The following PTPRT variants were observed in gnomAD, a reference collection of about 807,000 sequenced individuals.
PTPRT encodes protein tyrosine phosphatase receptor type T, also known as receptor-type tyrosine-protein phosphatase T.
In PTPRT, 56 loss-of-function variants were observed where a neutral mutation model predicts 176.8. The observed-to-expected ratio is 0.32, with a 90% CI of 0.26 to 0.40. The LOEUF is 0.40. PTPRT is among the 10% of genes least tolerant of loss of function. PTPRT has a pLI of 1.00. For missense variants in PTPRT, 1,540 were observed against 1,908.2 expected, an observed-to-expected ratio of 0.81 and a Z score of 3.60; for synonymous variants, 783 against 739.0, an observed-to-expected ratio of 1.06 and a Z score of -0.96.
intron 9 of PTPRT, among the ~76,000 whole-genome samples, chr20:42,424,937 G>C (rs759897026): frequency 6.6e-6 from 1 of 151,074 alleles, no homozygotes; most frequent in Non-Finnish European, 1.5e-5. Context: ...AAATAGACAC[G>C]GCTGACAAAA....
At chr20:42,204,887 C>T (rs971900112) in intron 15 of PTPRT, among the ~76,000 whole-genome samples, 2 of 151,786 alleles carry the variant, frequency 1.3e-5, no homozygotes, top group East Asian at 1.9e-4. Flanking sequence ...TACAAAGTAA[C>T]GTTCTCTTCA....
intron 2 of PTPRT, among the ~76,000 whole-genome samples, chr20:42,801,041 T>C (rs1217995200): frequency 6.6e-6 from 1 of 152,156 alleles, no homozygotes; most frequent in East Asian, 1.9e-4. Flanking sequence ...AGCATCCATC[T>C]ATTTCTCAAA....
At chr20:42,220,041 A>ATATG (rs2055850579) in intron 15 of PTPRT, among the ~76,000 whole-genome samples, 1 of 151,536 alleles carries the variant, frequency 6.6e-6, no homozygotes, top group African/African-American at 2.4e-5. Flanking sequence ...AAAAAGTTAT[A>ATATG]TATATATATA....
At chr20:42,092,479 A>G (rs1016640082) in intron 27 of PTPRT, among the ~76,000 whole-genome samples, 36 of 152,212 alleles carry the variant, frequency 2.4e-4, no homozygotes, top group African/African-American at 8.4e-4. Flanking sequence ...TAAGACTTGG[A>G]GAAAGTAAAG....
At chr20:42,522,016 T>C (rs1472679941) in intron 7 of PTPRT, among the ~76,000 whole-genome samples, 1 of 151,920 alleles carries the variant, frequency 6.6e-6, no homozygotes, top group Non-Finnish European at 1.5e-5. Context: ...TGAAGTTATT[T>C]CAGAAAAAGA....
intron 1 of PTPRT, among the ~76,000 whole-genome samples, chr20:43,011,220 G>A: frequency 6.6e-6 from 1 of 152,254 alleles, no homozygotes; most frequent in African/African-American, 2.4e-5. Flanking sequence ...AGAATAAGAG[G>A]AGCCAGAGTC....
At chr20:42,579,447 TG>T (rs2073331181) in intron 7 of PTPRT, among the ~76,000 whole-genome samples, 1 of 152,174 alleles carries the variant, frequency 6.6e-6, no homozygotes, top group African/African-American at 2.4e-5. Context: ...CTGGGTCAAA[TG>T]GTATTTCCAG....
intron 1 of PTPRT, among the ~76,000 whole-genome samples, chr20:42,919,826 T>G (rs1201582384): frequency 6.6e-6 from 1 of 152,246 alleles, no homozygotes; most frequent in Non-Finnish European, 1.5e-5. Context: ...TGTAGTTCAG[T>G]GAATTTTAAA....
intron 15 of PTPRT, among the ~76,000 whole-genome samples, chr20:42,225,214 T>C (rs1181809819): frequency 6.6e-6 from 1 of 152,170 alleles, no homozygotes; most frequent in Non-Finnish European, 1.5e-5. Flanking sequence ...TTCTTCTACT[T>C]AACCTATATC....
At chr20:42,936,106 C>T (rs546049913) in intron 1 of PTPRT, among the ~76,000 whole-genome samples, 1 of 152,264 alleles carries the variant, frequency 6.6e-6, no homozygotes, top group Non-Finnish European at 1.5e-5. Flanking sequence ...CTTCATAAAA[C>T]TCATATTCTA....
intron 9 of PTPRT, among the ~76,000 whole-genome samples, chr20:42,406,276 A>C (rs1475954217): frequency 6.6e-6 from 1 of 152,062 alleles, no homozygotes; most frequent in Non-Finnish European, 1.5e-5. Context: ...CGTCCTTTGA[A>C]AAAACATGGT....
rs565759019 is a variant in PTPRT, at chr20:42,210,136, T to C, written c.2343-10748A>G. Among the ~76,000 whole-genome samples the C allele has an allele frequency of 1.6e-4, 24 of 152,332 alleles. 1 individual carries two copies. In the South Asian group the frequency reaches 4.4e-3, roughly 28 times the overall value. On this transcript the variant is annotated intron_variant, in intron 15 of 30. Coordinates refer to ENST00000373187, the MANE Select transcript of PTPRT (RefSeq NM_007050.6). Reference sequence around the variant, plus strand: ...AAACTCTCAATAAATTGGGTATTAATGGGACGTATTTCAAAATAATAAGAG... The same window carrying C: ...AAACTCTCAATAAATTGGGTATTAACGGGACGTATTTCAAAATAATAAGAG...
intron 6 of PTPRT, among the ~76,000 whole-genome samples, chr20:42,722,173 GA>G (rs2076314391): frequency 6.6e-6 from 1 of 152,110 alleles, no homozygotes; most frequent in Non-Finnish European, 1.5e-5. Context: ...GTCACCTGAT[GA>G]ACTTGTTAAA....
Position 42,725,644 on chromosome 20 carries a change from G to A in PTPRT, c.859+30818C>T, listed in dbSNP as rs73269835. 4.1e-3 allele frequency among the ~76,000 whole-genome samples: 631 copies of A among 152,118 alleles called. 7 individuals carry two copies. Among genetic ancestry groups the A allele is most frequent in the African/African-American group, 0.014 (587 of 41,528 alleles). On this transcript the variant is annotated intron_variant, in intron 6 of 30. Coordinates refer to ENST00000373187, the MANE Select transcript of PTPRT (RefSeq NM_007050.6). ...GCAGTAGCAAAGTTCCACAAACTTG[G>A]TGATTTAAAAAGTCAAGAAACAACA...
intron 7 of PTPRT, among the ~76,000 whole-genome samples, chr20:42,554,174 C>T (rs2145625039): frequency 6.6e-6 from 1 of 152,210 alleles, no homozygotes; most frequent in East Asian, 1.9e-4. Context: ...CTGAGCAATT[C>T]TCCCTCTTGT....
intron 13 of PTPRT, among the ~76,000 whole-genome samples, chr20:42,255,109 C>T (rs539652982): frequency 3.2e-4 from 48 of 152,152 alleles, no homozygotes; most frequent in Middle Eastern, 3.4e-3. Flanking sequence ...GCAGAAGGGA[C>T]GACAAGACTT....
chr20:42,629,786 G>A (rs1336563547), intron 7 of PTPRT, among the ~76,000 whole-genome samples: 1 of 152,136 alleles, frequency 6.6e-6, no homozygotes, highest in Non-Finnish European at 1.5e-5. Context: ...AGTAATAAGG[G>A]AACTGACCTG....
intron 12 of PTPRT, among the ~76,000 whole-genome samples, chr20:42,305,037 A>AGAT (rs1326702787): frequency 6.6e-6 from 1 of 152,168 alleles, no homozygotes. Flanking sequence ...TTCCACTATA[A>AGAT]GATTCTTAGA....
intron 1 of PTPRT, among the ~76,000 whole-genome samples, chr20:42,943,096 A>G (rs966906875): frequency 6.6e-6 from 1 of 152,158 alleles, no homozygotes; most frequent in Non-Finnish European, 1.5e-5. Context: ...CAAAACCCAA[A>G]CGCAACTTGA....
Sources: gnomAD v4.1 joint callset for allele counts (sites outside exome capture counted in the v4.1 genomes callset) on GRCh38, gnomAD v4.1.1 for gene constraint, MANE v1.5 for transcripts, NCBI Gene and HGNC (gene_info 2026-07-23, HGNC 2026-07-21) for gene names.